Variants in BRAF observed in about 807,000 individuals in gnomAD.
The protein encoded by BRAF is serine/threonine-protein kinase B-raf.
Under a neutral mutation model 104.6 loss-of-function variants are expected in BRAF, and 16 were observed. That is an observed-to-expected ratio of 0.15 (90% confidence interval 0.10 to 0.23). BRAF has a LOEUF of 0.23. BRAF is among the 10% of genes least tolerant of loss of function. The probability of loss-of-function intolerance (pLI) is 1.00; values close to 1 mark genes in which losing one functional copy is unlikely to be tolerated. For missense variants in BRAF, 541 were observed against 937.3 expected, an observed-to-expected ratio of 0.58 and a Z score of 5.52; for synonymous variants, 310 against 341.6, an observed-to-expected ratio of 0.91 and a Z score of 1.02.
At chr7:140,786,820 G>A (rs889870576) in intron 9 of BRAF, among the ~76,000 whole-genome samples, 1 of 152,144 alleles carries the variant, frequency 6.6e-6, no homozygotes, top group Non-Finnish European at 1.5e-5. Flanking sequence ...TATCAGTGGA[G>A]CCCCACAAAG....
chr7:140,884,878 A>G (rs376840792), intron 1 of BRAF, among the ~76,000 whole-genome samples: 39 of 152,310 alleles, frequency 2.6e-4, no homozygotes, highest in African/African-American at 8.9e-4. Context: ...ATGACAAAAA[A>G]ACTAATTAAC....
At chr7:140,832,177 T>C (rs760001191) in intron 3 of BRAF, among the ~76,000 whole-genome samples, 1 of 152,238 alleles carries the variant, frequency 6.6e-6, no homozygotes, top group Non-Finnish European at 1.5e-5. Context: ...GGCAAGTGTT[T>C]AGCGTGCTAT....
At chr7:140,859,137 G>A (rs527699347) in intron 1 of BRAF, among the ~76,000 whole-genome samples, 5 of 152,146 alleles carry the variant, frequency 3.3e-5, no homozygotes, top group East Asian at 1.9e-4. Context: ...CTTTTGTGAC[G>A]GAAACAACAA....
intron 1 of BRAF, among the ~76,000 whole-genome samples, chr7:140,854,580 A>C (rs1338219355): frequency 2.0e-5 from 3 of 152,140 alleles, no homozygotes; most frequent in Non-Finnish European, 4.4e-5. Context: ...AAAGTGGGGG[A>C]AAATAATCAG....
chr7:140,798,185 G>C (rs750545577), intron 7 of BRAF, among the ~76,000 whole-genome samples: 2 of 151,864 alleles, frequency 1.3e-5, no homozygotes, highest in Non-Finnish European at 2.9e-5. Flanking sequence ...GTGGGAGGAA[G>C]TAGGGTTAAA....
At chr7:140,847,156 CAA>C (rs1213511671) in intron 2 of BRAF, among the ~76,000 whole-genome samples, 2 of 151,350 alleles carry the variant, frequency 1.3e-5, no homozygotes, top group East Asian at 3.9e-4. Context: ...TCCATCTCAA[CAA>C]AAAATAAAAA....
At chr7:140,829,828 G>C (rs941286395) in intron 3 of BRAF, among the ~76,000 whole-genome samples, 1 of 152,080 alleles carries the variant, frequency 6.6e-6, no homozygotes, top group African/African-American at 2.4e-5. Context: ...CTATCTGAAG[G>C]CTGGTTTTTG....
At chr7:140,778,967 A>C (rs943563079) in intron 12 of BRAF, among the ~76,000 whole-genome samples, 1 of 152,212 alleles carries the variant, frequency 6.6e-6, no homozygotes, top group Non-Finnish European at 1.5e-5. Context: ...CAAAGCCCCA[A>C]ACTGGAAACG....
rs1409797785 is a variant in BRAF at position 140,783,137 on chromosome 7, C to A, written c.1318G>T (p.Ala440Ser). The change falls in exon 11 of 20, where the codon GCT (alanine) becomes TCT (serine). Residue 440 changes from alanine (A) to serine (S), a missense_variant. This residue lies in a region of BRAF where 109 missense variants were observed against 143.9 expected (regional missense o/e 0.76). Transcript: ENST00000644969. ...CCAGGTAATGAGGCAGGGGGGGTAG[C>A]AGACAAACCTGTGGTTGATCCTAAA... ...VFRGSTTGLSATPPASLPGSL... is the reference protein window; with the variant it reads ...VFRGSTTGLSSTPPASLPGSL... The A allele has an allele frequency of 1.2e-6, 2 of 1,613,802 alleles. No individual in the cohort carries two copies. Among genetic ancestry groups the A allele is most frequent in the Non-Finnish European group, 1.7e-6 (2 of 1,179,972 alleles).
intron 17 of BRAF, among the ~76,000 whole-genome samples, chr7:140,744,044 C>T (rs1797152248): frequency 1.3e-5 from 2 of 152,196 alleles, no homozygotes; most frequent in African/African-American, 2.4e-5. Context: ...CTAGCCTTTG[C>T]TCTTGGCTCC....
chr7:140,882,731 G>T (rs1046958998), intron 1 of BRAF, among the ~76,000 whole-genome samples: 24 of 150,116 alleles, frequency 1.6e-4, no homozygotes, highest in African/African-American at 5.6e-4. Flanking sequence ...GGTGACTCAC[G>T]CTTGTAATGC....
At position 140,918,594 on chromosome 7, in the gene BRAF, C is replaced by G. The variant is rs996609392; in HGVS notation, c.138+5972G>C. On this transcript the variant is annotated intron_variant, in intron 1 of 19. Coordinates refer to ENST00000644969, the MANE Select transcript of BRAF (RefSeq NM_001374258.1). The stretch of plus-strand genomic sequence containing the variant: ...ACCTCTGAAGAAGGTCCTTGAAACC[C>G]CAAAACAGTGTTTTTCAAACTGCCT... 3.9e-5 allele frequency among the ~76,000 whole-genome samples: 6 copies of G among 152,264 alleles called. No individual in the cohort carries two copies. The South Asian group carries it at 1.2e-3, about 32-fold the overall frequency.
chr7:140,734,635 T>C lies in BRAF; in HGVS notation c.2383A>G (p.Ile795Val). 2.5e-6 allele frequency: 4 copies of C among 1,613,652 alleles called. No homozygotes were observed. Among genetic ancestry groups the C allele is most frequent in the Non-Finnish European group, 1.7e-6 (2 of 1,179,922 alleles). ...LYACASPKTP[I>V]QAGGYGEFAA... Reference sequence around the variant, plus strand: ...AACGCACCATATCCCCCTGCCTGGATGGGTGTTTTTGGAGAAGCACAAGCA... The same window carrying C: ...AACGCACCATATCCCCCTGCCTGGACGGGTGTTTTTGGAGAAGCACAAGCA... Residue 795 changes from isoleucine to valine, a missense_variant, in exon 19 of 20, where the codon ATC becomes GTC. By Grantham distance (29) the Ile-to-Val change is conservative. Coordinates refer to ENST00000644969, the MANE Select transcript of BRAF (RefSeq NM_001374258.1).
intron 14 of BRAF, among the ~76,000 whole-genome samples, chr7:140,760,773 G>A (rs1273963770): frequency 6.6e-6 from 1 of 152,230 alleles, no homozygotes; most frequent in East Asian, 1.9e-4. Flanking sequence ...GCGATCAACT[G>A]GAAGAAAGGG....
At chr7:140,880,261 C>T (rs1812750845) in intron 1 of BRAF, among the ~76,000 whole-genome samples, 1 of 152,192 alleles carries the variant, frequency 6.6e-6, no homozygotes, top group Non-Finnish European at 1.5e-5. Context: ...GCATCTTCAG[C>T]AGGAGTAAAC....
At chr7:140,884,237 C>T (rs1217652543) in intron 1 of BRAF, 1 of 151,786 alleles carries the variant, frequency 6.6e-6, no homozygotes. Flanking sequence ...TCAACCAACA[C>T]ACTCGTTATA....
chr7:140,835,031 C>G (rs1807175427), intron 2 of BRAF, 159 bp from the exon 3 acceptor site: 1 of 740,642 alleles, frequency 1.4e-6, no homozygotes, highest in Non-Finnish European at 2.2e-6. Context: ...TAAATGAATA[C>G]TTTCACCTTT....
chr7:140,720,115 A>G lies in BRAF; in HGVS notation c.*6379T>C, dbSNP rs1795250345. On this transcript the variant is annotated 3_prime_UTR_variant, in exon 20 of 20. Transcript: ENST00000644969. ...GAATAAAATTCAGAGACACATGTTG[A>G]TGAATGATCAAATTCAATCCCCTGA... 1 of 1,060,824 alleles carries G rather than the reference A, an allele frequency of 9.4e-7. No homozygotes were observed. Among genetic ancestry groups the G allele is most frequent in the Non-Finnish European group, 1.1e-6 (1 of 876,552 alleles). The allele number at this position is 1,060,824 out of a possible 1,614,324, so 65.7% of individuals were successfully genotyped here. A position where few individuals can be genotyped will look rare whatever the true frequency, so the allele number is the denominator to read the frequency against.
intron 1 of BRAF, among the ~76,000 whole-genome samples, chr7:140,901,806 T>C (rs1423744794): frequency 6.6e-6 from 1 of 152,210 alleles, no homozygotes; most frequent in African/African-American, 2.4e-5. Flanking sequence ...TCCTTTTCTG[T>C]GATTCTTCTG....
Sources: allele counts gnomAD v4.1 joint callset (sites outside exome capture counted in the v4.1 genomes callset), GRCh38; gene constraint gnomAD v4.1.1; regional missense constraint gnomAD v4.1.1; transcripts MANE v1.5; gene names NCBI Gene and HGNC (gene_info 2026-07-23, HGNC 2026-07-21).